The following WDR41 variants were observed in gnomAD, a reference collection of about 807,000 sequenced individuals.
WDR41 encodes WD repeat domain 41.
WDR41 carries 63 observed loss-of-function variants against 69.3 expected under a neutral mutation model. The ratio of observed to expected loss-of-function variants is 0.91; its 90% CI spans 0.74 to 1.12. The LOEUF is 1.12. Among genes scored for constraint, WDR41 ranks in the 50% most tolerant of loss-of-function variants. The probability of loss-of-function intolerance (pLI) is 0.00; values close to 1 mark genes in which losing one functional copy is unlikely to be tolerated. For missense variants in WDR41, 543 were observed against 534.5 expected, an observed-to-expected ratio of 1.02 and a Z score of -0.16; for synonymous variants, 185 against 192.1, an observed-to-expected ratio of 0.96 and a Z score of 0.31.
chr5:77,488,329 G>T (rs1279117400), intron 2 of WDR41, among the ~76,000 whole-genome samples: 1 of 152,110 alleles, frequency 6.6e-6, no homozygotes, highest in Non-Finnish European at 1.5e-5. Context: ...GGCTGAGCAC[G>T]GTGGCTGATG....
At chr5:77,474,549 C>A (rs1023482170) in intron 2 of WDR41, among the ~76,000 whole-genome samples, 1 of 152,140 alleles carries the variant, frequency 6.6e-6, no homozygotes, top group Admixed American at 6.5e-5. Context: ...AAGGAAACGT[C>A]AAAGCATTTT....
At chr5:77,467,459 T>C (rs1189195441) in intron 2 of WDR41, among the ~76,000 whole-genome samples, 2 of 152,002 alleles carry the variant, frequency 1.3e-5, no homozygotes, top group Non-Finnish European at 2.9e-5. Context: ...AAGACATCAA[T>C]TGTAAGACAC....
intron 1 of WDR41, among the ~76,000 whole-genome samples, chr5:77,507,214 C>T (rs956474360): frequency 7.9e-5 from 12 of 151,940 alleles, no homozygotes; most frequent in African/African-American, 2.2e-4. Flanking sequence ...TGCATGAGAA[C>T]GTAGGCATAT....
chr5:77,522,004 A>C (rs1046779759), intron 1 of WDR41, among the ~76,000 whole-genome samples: 1 of 152,216 alleles, frequency 6.6e-6, no homozygotes, highest in Admixed American at 6.5e-5. Context: ...GATGAATCAC[A>C]TGGTTCCTCA....
chr5:77,535,442 T>C (rs1581789401), intron 1 of WDR41, among the ~76,000 whole-genome samples: 1 of 152,200 alleles, frequency 6.6e-6, no homozygotes, highest in East Asian at 1.9e-4. Flanking sequence ...TGATGTTCAC[T>C]TTGATGTCAG....
chr5:77,463,226 T>C lies in WDR41; in HGVS notation c.217A>G (p.Thr73Ala). 3 of 1,603,130 alleles carry C rather than the reference T, an allele frequency of 1.9e-6. No individual in the cohort carries two copies. Among genetic ancestry groups the C allele is most frequent in the Non-Finnish European group, 2.6e-6 (3 of 1,176,468 alleles). Residue 73 changes from threonine to alanine, a missense_variant and splice_region_variant, in exon 4 of 13, where the codon ACA becomes GCA. Transcript: ENST00000296679. ...TTCAGTTCTAAAAGTTTTTCCCCTG[T>C]CTGAAATACCAATAAAAATGTTAAT... ...DGIVVVWNAQ[T>A]GEKLLELNGH...
chr5:77,541,487 C>CTT (rs11335010), intron 1 of WDR41, among the ~76,000 whole-genome samples: 457 of 97,744 alleles, frequency 4.7e-3, no homozygotes, highest in Middle Eastern at 7.2e-3. Flanking sequence ...AAAAGGAATT[C>CTT]TTTTTTTTTT....
chr5:77,464,691 T>G, intron 3 of WDR41, 70 bp downstream of exon 3: 3 of 1,476,602 alleles, frequency 2.0e-6, no homozygotes, highest in Non-Finnish European at 2.8e-6. Context: ...CCAGATAGTA[T>G]TTATATGAAT....
At chr5:77,512,634 CA>C (rs1561211383) in intron 1 of WDR41, among the ~76,000 whole-genome samples, 1 of 150,914 alleles carries the variant, frequency 6.6e-6, no homozygotes. Flanking sequence ...CCTGTAGTCC[CA>C]GCTACTCAGG....
intron 1 of WDR41, among the ~76,000 whole-genome samples, chr5:77,566,794 C>T (rs764577059): frequency 2.6e-5 from 4 of 152,070 alleles, no homozygotes; most frequent in African/African-American, 9.7e-5. Context: ...CCTCAGGGTG[C>T]GTGAATTGAC....
At chr5:77,482,417 T>G (rs1801311760) in intron 2 of WDR41, among the ~76,000 whole-genome samples, 2 of 152,210 alleles carry the variant, frequency 1.3e-5, no homozygotes, top group Non-Finnish European at 2.9e-5. Context: ...TTATCTCTAA[T>G]ATCTCTTTTA....
intron 1 of WDR41, among the ~76,000 whole-genome samples, chr5:77,500,292 A>C (rs1801998261): frequency 6.6e-6 from 1 of 152,328 alleles, no homozygotes; most frequent in East Asian, 1.9e-4. Flanking sequence ...TTAACATACA[A>C]TAACCAAAAT....
chr5:77,523,452 T>A (rs1802402495), intron 1 of WDR41, among the ~76,000 whole-genome samples: 1 of 152,104 alleles, frequency 6.6e-6, no homozygotes, highest in South Asian at 2.1e-4. Flanking sequence ...AACAAAGGAG[T>A]AAAGGGAGAG....
At chr5:77,514,227 G>T (rs534595479) in intron 1 of WDR41, among the ~76,000 whole-genome samples, 1 of 151,776 alleles carries the variant, frequency 6.6e-6, no homozygotes, top group South Asian at 2.1e-4. Context: ...ACCTACATCC[G>T]CACATAATCA....
At chr5:77,444,907 A>C (rs1054904550) in intron 8 of WDR41, among the ~76,000 whole-genome samples, 1 of 152,254 alleles carries the variant, frequency 6.6e-6, no homozygotes, top group African/African-American at 2.4e-5. Flanking sequence ...CTAATCCAAA[A>C]GCTAGAAGAA....
chr5:77,598,161 G>A (rs1027970252), intron 1 of WDR41, among the ~76,000 whole-genome samples: 1 of 152,236 alleles, frequency 6.6e-6, no homozygotes, highest in Non-Finnish European at 1.5e-5. Flanking sequence ...TTAAATGCTA[G>A]TGTCTAGACA....
intron 1 of WDR41, among the ~76,000 whole-genome samples, chr5:77,587,426 A>C (rs2112301859): frequency 6.6e-6 from 1 of 152,302 alleles, no homozygotes; most frequent in Non-Finnish European, 1.5e-5. Context: ...ACTTCCAGAT[A>C]ATTTTCAGAA....
upstream of WDR41, among the ~76,000 whole-genome samples, chr5:77,497,256 C>T (rs1481518986): frequency 6.6e-6 from 1 of 152,054 alleles, no homozygotes; most frequent in Non-Finnish European, 1.5e-5. Flanking sequence ...AATTTGACTT[C>T]ATCAAAATTA....
At chr5:77,446,224 T>G (rs1204882746) in intron 8 of WDR41, among the ~76,000 whole-genome samples, 1 of 152,128 alleles carries the variant, frequency 6.6e-6, no homozygotes, top group Non-Finnish European at 1.5e-5. Context: ...ACAAGGGATG[T>G]GAAGGACCTC....
Sources: gnomAD v4.1 joint callset for allele counts (sites outside exome capture counted in the v4.1 genomes callset) on GRCh38, gnomAD v4.1.1 for gene constraint, MANE v1.5 for transcripts, NCBI Gene and HGNC (gene_info 2026-07-23, HGNC 2026-07-21) for gene names.